The following FOXP1 variants were observed in gnomAD, a reference collection of about 807,000 sequenced individuals.
FOXP1 encodes forkhead box P1, also known as forkhead box protein P1.
In FOXP1, 15 loss-of-function variants were observed where a neutral mutation model predicts 98.2. The ratio of observed to expected loss-of-function variants is 0.15; its 90% CI spans 0.10 to 0.24. FOXP1 has a LOEUF of 0.24. FOXP1 is among the 10% of genes least tolerant of loss of function. The pLI is 1.00. For synonymous variants in FOXP1, 371 were observed against 314.5 expected, an observed-to-expected ratio of 1.18 and a Z score of -1.90; for missense variants, 633 against 848.5, an observed-to-expected ratio of 0.75 and a Z score of 3.15.
intron 4 of FOXP1, among the ~76,000 whole-genome samples, chr3:71,344,885 G>A (rs13064984): frequency 0.4 from 60,282 of 151,832 alleles, 14,168 homozygotes; most frequent in East Asian, 0.73. Flanking sequence ...TCAGATTAGG[G>A]CAGGCATCTT....
At chr3:71,134,527 G>GAAAT (rs2107949294) in intron 6 of FOXP1, among the ~76,000 whole-genome samples, 1 of 152,140 alleles carries the variant, frequency 6.6e-6, no homozygotes, top group African/African-American at 2.4e-5. Flanking sequence ...ATATAGCCAA[G>GAAAT]GAAATACTGC....
At position 70,965,907 on chromosome 3, in the gene FOXP1, T is replaced by A; in HGVS notation, c.1872A>T (p.Arg624Ser). The change falls in exon 20 of 21, where the codon AGA becomes AGT. Residue 624 changes from arginine (R) to serine (S), a missense_variant. Around this residue, in one of 6 missense-constraint regions of FOXP1, gnomAD observed 150 missense variants for 163.7 expected, o/e 0.92. Coordinates refer to ENST00000649528, the MANE Select transcript of FOXP1 (RefSeq NM_001349338.3). ...NSNESDSSPG[R>S]SPMQAVHPVH... ...ATACTCACACGGCTTGCATAGGAGA[T>A]CTGCCTGGACTGCTGTCACTCTCGT... is the stretch of plus-strand genomic sequence containing the variant. 1 of 1,614,008 alleles carries A rather than the reference T, an allele frequency of 6.2e-7. No homozygotes were observed. The highest frequency in any genetic ancestry group is 8.5e-7 in the Non-Finnish European group (1 of 1,180,012).
chr3:71,027,952 G>T (rs1000569103), intron 11 of FOXP1, among the ~76,000 whole-genome samples: 1 of 152,052 alleles, frequency 6.6e-6, no homozygotes, highest in Non-Finnish European at 1.5e-5. Flanking sequence ...TTCTCTAGTT[G>T]GGGAGACAGT....
chr3:71,033,614 A>C (rs201549681), intron 11 of FOXP1, among the ~76,000 whole-genome samples: 8,449 of 150,042 alleles, frequency 0.056, 369 homozygotes, highest in East Asian at 0.1. Flanking sequence ...AAAAAAAAAA[A>C]AAAAAAAAAA....
At chr3:71,447,350 C>A (rs1253448322) in intron 3 of FOXP1, among the ~76,000 whole-genome samples, 1 of 152,210 alleles carries the variant, frequency 6.6e-6, no homozygotes, top group Non-Finnish European at 1.5e-5. Context: ...CAAACAGTCA[C>A]ATCCACTTAG....
intron 5 of FOXP1, among the ~76,000 whole-genome samples, chr3:71,255,454 T>C (rs1011944379): frequency 6.6e-6 from 1 of 152,198 alleles, no homozygotes; most frequent in East Asian, 1.9e-4. Context: ...ACATTTTGAT[T>C]TTATTATGTT....
At chr3:71,485,312 C>G (rs1428597193) in intron 3 of FOXP1, among the ~76,000 whole-genome samples, 1 of 152,156 alleles carries the variant, frequency 6.6e-6, no homozygotes, top group Non-Finnish European at 1.5e-5. Flanking sequence ...AAATAGTAAA[C>G]CCCCTTATAT....
intron 2 of FOXP1, 89 bp downstream of exon 2, chr3:71,581,460 G>A (rs927476063): frequency 4.5e-5 from 44 of 985,458 alleles, no homozygotes; most frequent in Middle Eastern, 5.2e-4. Context: ...GCGCCACCCC[G>A]GCTGGCTCTT....
At chr3:71,376,036 T>C (rs1341643654) in intron 3 of FOXP1, among the ~76,000 whole-genome samples, 1 of 152,034 alleles carries the variant, frequency 6.6e-6, no homozygotes, top group Non-Finnish European at 1.5e-5. Flanking sequence ...TGAAGAACCA[T>C]CCAAAGAACC....
chr3:71,268,920 T>C (rs1486846719), intron 5 of FOXP1, among the ~76,000 whole-genome samples: 1 of 152,156 alleles, frequency 6.6e-6, no homozygotes, highest in Non-Finnish European at 1.5e-5. Flanking sequence ...ATCACCAGCC[T>C]GTATCATTAC....
intron 4 of FOXP1, among the ~76,000 whole-genome samples, chr3:71,356,803 C>T (rs1246739341): frequency 1.3e-5 from 2 of 152,104 alleles, no homozygotes; most frequent in Non-Finnish European, 2.9e-5. Flanking sequence ...GGAGTTTCTG[C>T]GAATGCATCC....
At chr3:70,990,628 T>C (rs2040456752) in intron 13 of FOXP1, among the ~76,000 whole-genome samples, 1 of 152,148 alleles carries the variant, frequency 6.6e-6, no homozygotes, top group Non-Finnish European at 1.5e-5. Context: ...TAAAATTTGG[T>C]TGGCAAATTA....
chr3:71,045,014 G>C (rs1483754559), intron 10 of FOXP1, among the ~76,000 whole-genome samples: 1 of 152,158 alleles, frequency 6.6e-6, no homozygotes, highest in African/African-American at 2.4e-5. Flanking sequence ...AGCCACTTGA[G>C]GTGAGGGAGT....
At chr3:71,348,526 T>TGC (rs2077523577) in intron 4 of FOXP1, among the ~76,000 whole-genome samples, 1 of 125,922 alleles carries the variant, frequency 7.9e-6, no homozygotes, top group African/African-American at 3.1e-5. Flanking sequence ...TGTGTGCGTG[T>TGC]GTGTGTGTGT....
intron 2 of FOXP1, among the ~76,000 whole-genome samples, chr3:71,527,635 C>CATCT (rs2043498252): frequency 6.6e-6 from 1 of 152,230 alleles, no homozygotes; most frequent in Non-Finnish European, 1.5e-5. Context: ...GTGTAACCAG[C>CATCT]ATCTGGTCAC....
At chr3:71,283,374 G>C (rs2071768765) in intron 5 of FOXP1, among the ~76,000 whole-genome samples, 1 of 152,032 alleles carries the variant, frequency 6.6e-6, no homozygotes, top group Non-Finnish European at 1.5e-5. Context: ...TGTTCCAAGG[G>C]TCTTAGAGCT....
Position 71,299,456 on chromosome 3 carries a change from G to A in FOXP1, c.-12+364C>T, listed in dbSNP as rs527638306. 5.3e-5 allele frequency among the ~76,000 whole-genome samples: 8 copies of A among 152,262 alleles called. 1 individual carries two copies. In the South Asian group the frequency reaches 1.4e-3, roughly 28 times the overall value. On this transcript the variant is annotated intron_variant, in intron 5 of 20. Coordinates refer to ENST00000649528, the MANE Select transcript of FOXP1 (RefSeq NM_001349338.3). ...ACTTCAGCACACAATACTGACATGC[G>A]TTACTCTTGTTTGCAGCAAGTTAAT...
chr3:71,253,855 T>A (rs1019869935), intron 5 of FOXP1, among the ~76,000 whole-genome samples: 3 of 152,190 alleles, frequency 2.0e-5, no homozygotes, highest in Non-Finnish European at 4.4e-5. Context: ...TTTAAAAAAA[T>A]GTTATACATG....
At chr3:70,966,183 C>A in intron 19 of FOXP1, 127 bp from the exon 20 acceptor site, 1 of 877,670 alleles carries the variant, frequency 1.1e-6, no homozygotes, top group Non-Finnish European at 1.8e-6. Context: ...ATACAAGTTT[C>A]TAAGAGGTGT....
Sources: allele counts gnomAD v4.1 joint callset (sites outside exome capture counted in the v4.1 genomes callset), GRCh38; gene constraint gnomAD v4.1.1; regional missense constraint gnomAD v4.1.1; transcripts MANE v1.5; gene names NCBI Gene and HGNC (gene_info 2026-07-23, HGNC 2026-07-21).